DCDC2C: variants seen among roughly 807,000 people sequenced by gnomAD.
The protein encoded by DCDC2C is doublecortin domain-containing protein 2C.
Under a neutral mutation model 45.0 loss-of-function variants are expected in DCDC2C, and 44 were observed. That is an observed-to-expected ratio of 0.98 (90% confidence interval 0.77 to 1.26). DCDC2C has a LOEUF of 1.26. DCDC2C is among the 50% of genes most tolerant of loss of function. DCDC2C has a pLI of 0.00. For synonymous variants in DCDC2C, 187 were observed against 178.8 expected (o/e 1.05, Z -0.37); for missense variants, 447 against 468.9 (o/e 0.95, Z 0.43).
At chr2:3,704,859 T>A (rs1429037475) in intron 1 of DCDC2C, among the ~76,000 whole-genome samples, 1 of 152,092 alleles carries the variant, frequency 6.6e-6, no homozygotes, top group Non-Finnish European at 1.5e-5. Context: ...TTGCCTTTAA[T>A]TAAACTATTG....
intron 1 of DCDC2C, 161 bp downstream of exon 1, chr2:3,704,199 C>A (rs1482702392): frequency 3.1e-6 from 2 of 645,148 alleles, no homozygotes; most frequent in Non-Finnish European, 4.4e-6. Context: ...GTCGGGCCGC[C>A]CCAGGCCACG....
intron 4 of DCDC2C, among the ~76,000 whole-genome samples, chr2:3,746,595 T>G (rs1427469351): frequency 6.6e-6 from 1 of 152,220 alleles, no homozygotes; most frequent in Non-Finnish European, 1.5e-5. Flanking sequence ...AATTTCCCAC[T>G]GTCCGTTGAG....
intron 3 of DCDC2C, among the ~76,000 whole-genome samples, chr2:3,731,294 C>A (rs1344104218): frequency 6.6e-6 from 1 of 152,210 alleles, no homozygotes; most frequent in Non-Finnish European, 1.5e-5. Context: ...AGTCTCAGGA[C>A]CAGCAGCTGG....
chr2:3,822,810 T>C (rs983963989), intron 10 of DCDC2C, among the ~76,000 whole-genome samples: 1 of 152,158 alleles, frequency 6.6e-6, no homozygotes, highest in Non-Finnish European at 1.5e-5. Flanking sequence ...AAATCTCATC[T>C]TGTATTCTCA....
At chr2:3,765,803 C>T (rs1396453296) in intron 6 of DCDC2C, among the ~76,000 whole-genome samples, 1 of 152,114 alleles carries the variant, frequency 6.6e-6, no homozygotes, top group Non-Finnish European at 1.5e-5. Context: ...CTGTGGATTA[C>T]ATATGCTGCT....
At chr2:3,771,783 C>G (rs991199806) in intron 8 of DCDC2C, among the ~76,000 whole-genome samples, 1 of 152,238 alleles carries the variant, frequency 6.6e-6, no homozygotes, top group Non-Finnish European at 1.5e-5. Flanking sequence ...TGCCTGGCCC[C>G]ACTCTGCGCC....
chr2:3,802,853 T>A (rs1422670947), intron 10 of DCDC2C, among the ~76,000 whole-genome samples: 2 of 152,338 alleles, frequency 1.3e-5, no homozygotes, highest in South Asian at 4.1e-4. Context: ...TCCCTGGGCC[T>A]CTGTCTATCC....
chr2:3,716,868 G>A (rs151013661), intron 2 of DCDC2C, among the ~76,000 whole-genome samples: 1 of 152,236 alleles, frequency 6.6e-6, no homozygotes, highest in Non-Finnish European at 1.5e-5. Flanking sequence ...GTGTGTATCA[G>A]GGATTCGTTC....
intron 10 of DCDC2C, among the ~76,000 whole-genome samples, chr2:3,844,842 G>T (rs1354428497): frequency 6.6e-6 from 1 of 152,154 alleles, no homozygotes; most frequent in Non-Finnish European, 1.5e-5. Context: ...TTCTTACACT[G>T]TCAACCCACA....
chr2:3,708,582 G>C lies in DCDC2C; in HGVS notation c.321G>C (p.Lys107Asn). 6.5e-7 allele frequency: 1 copy of C among 1,548,938 alleles called. No individual in the cohort carries two copies. Among genetic ancestry groups the C allele is most frequent in the Admixed American group, 2.0e-5 (1 of 50,778 alleles). ...YIHIVPRKPA[K>N]IRKLKEIKPV... ...ATATAGTTCCCCGAAAACCTGCAAA[G>C]ATAAGGAAGTTGAAGGAAGTAAGTG... The change falls in exon 2 of 11, where the codon AAG becomes AAC. Residue 107 changes from lysine to asparagine, a missense_variant. Lys to Asn is a moderately conservative substitution (Grantham distance 94). Transcript: ENST00000399143.
intron 1 of DCDC2C, among the ~76,000 whole-genome samples, chr2:3,707,831 A>AT (rs1357488317): frequency 6.6e-6 from 1 of 152,150 alleles, no homozygotes; most frequent in Admixed American, 6.5e-5. Flanking sequence ...TTCCCCTTCT[A>AT]TTTACCAGTC....
intron 10 of DCDC2C, among the ~76,000 whole-genome samples, chr2:3,833,470 C>G (rs145342027): frequency 6.6e-6 from 1 of 152,180 alleles, no homozygotes; most frequent in African/African-American, 2.4e-5. Context: ...TTGTCCTACA[C>G]GTTTTGTGTG....
Position 3,703,718 on chromosome 2 carries a change from C to T in DCDC2C, c.-34C>T. The T allele has an allele frequency of 8.1e-7, 1 of 1,227,232 alleles. No homozygotes were observed. Among genetic ancestry groups the T allele is most frequent in the Middle Eastern group, 3.1e-4 (1 of 3,194 alleles). The allele number at this position is 1,227,232 out of a possible 1,614,324, so 76.0% of individuals were successfully genotyped here. Reference sequence around the variant, plus strand: ...GTCGCTGCCCGCGCTGCCGCAGCCTCTCGGCCCCGGCGAGCGAGGAGCGGG... The same window carrying T: ...GTCGCTGCCCGCGCTGCCGCAGCCTTTCGGCCCCGGCGAGCGAGGAGCGGG... On this transcript the variant is annotated 5_prime_UTR_variant, in exon 1 of 11. Transcript: ENST00000399143. This position sits in a 1 kb window ranked among gnomAD's most constrained non-coding sequence, Gnocchi z 4.4.
chr2:3,805,116 C>A lies in DCDC2C; in HGVS notation c.1065+20016C>A, dbSNP rs182187468. Reference sequence around the variant, plus strand: ...CAAGAATCATGTGCAGGGCCAATGACAACTGACACTTTTTACTCCCTCTGT... The same window carrying A: ...CAAGAATCATGTGCAGGGCCAATGAAAACTGACACTTTTTACTCCCTCTGT... On this transcript the variant is annotated intron_variant, in intron 10 of 10. Transcript: ENST00000399143. Among the ~76,000 whole-genome samples, 79 of 152,342 alleles carry A rather than the reference C, an allele frequency of 5.2e-4. 1 individual carries two copies. The highest frequency in any genetic ancestry group is 1.0e-3 in the Non-Finnish European group (69 of 68,034).
intron 6 of DCDC2C, among the ~76,000 whole-genome samples, chr2:3,755,373 G>GAGGCA (rs1669667128): frequency 1.3e-5 from 2 of 150,466 alleles, no homozygotes; most frequent in Admixed American, 1.3e-4. Context: ...GTGTGTATGG[G>GAGGCA]TGCATGTGTA....
chr2:3,731,128 G>C (rs912654808), intron 3 of DCDC2C, among the ~76,000 whole-genome samples: 3 of 152,220 alleles, frequency 2.0e-5, no homozygotes, highest in Non-Finnish European at 4.4e-5. Flanking sequence ...TGGGGGGCTA[G>C]CTTTGCTGAT....
rs955605132 is a variant in DCDC2C, at chr2:3,847,774, T to C, written c.*591T>C. On this transcript the variant is annotated 3_prime_UTR_variant, in exon 11 of 11. Coordinates refer to ENST00000399143, the MANE Select transcript of DCDC2C (RefSeq NM_001287444.2). ...GGAGGTGATTGAATCATGGGGGTGG[T>C]CTTCCCCCTTGCTGTTCTCGTGATA... 5.3e-5 allele frequency among the ~76,000 whole-genome samples: 8 copies of C among 152,072 alleles called. No homozygotes were observed. Among genetic ancestry groups the C allele is most frequent in the African/African-American group, 1.7e-4 (7 of 41,400 alleles).
At chr2:3,754,027 G>A (rs769661601) in intron 5 of DCDC2C, among the ~76,000 whole-genome samples, 6 of 152,072 alleles carry the variant, frequency 3.9e-5, no homozygotes, top group Non-Finnish European at 8.8e-5. Context: ...TGCCCCCTAC[G>A]TGTTTCCCAC....
intron 2 of DCDC2C, among the ~76,000 whole-genome samples, chr2:3,726,758 C>T (rs1041184737): frequency 3.9e-5 from 6 of 152,318 alleles, no homozygotes; most frequent in Non-Finnish European, 8.8e-5. Context: ...CTGCACTTCC[C>T]TCCATGTGCA....
Sources: allele counts gnomAD v4.1 joint callset (sites outside exome capture counted in the v4.1 genomes callset), GRCh38; gene constraint gnomAD v4.1.1; non-coding constraint Gnocchi (gnomAD v3.1); transcripts MANE v1.5; gene names NCBI Gene and HGNC (gene_info 2026-07-23, HGNC 2026-07-21).